Variants in KMT2A observed in about 807,000 individuals in gnomAD.
KMT2A encodes the protein lysine methyltransferase 2A.
Under a neutral mutation model 345.3 loss-of-function variants are expected in KMT2A, and 16 were observed. The ratio of observed to expected loss-of-function variants is 0.05; its 90% CI spans 0.03 to 0.07. KMT2A has a LOEUF of 0.07. Among genes scored for constraint, KMT2A ranks in the 10% least tolerant of loss-of-function variants. The pLI is 1.00. For synonymous variants in KMT2A, 1,599 were observed against 1,778.6 expected, an observed-to-expected ratio of 0.90 and a Z score of 2.54; for missense variants, 3,272 against 4,841.6, an observed-to-expected ratio of 0.68 and a Z score of 9.62.
chr11:118,488,588 TC>T, intron 10 of KMT2A, 25 bp from the exon 11 acceptor site: 1 of 1,611,788 alleles, frequency 6.2e-7, no homozygotes. Flanking sequence ...TTGACATACT[TC>T]TATCTTCCCA....
At chr11:118,511,528 T>C (rs1950687832) in intron 30 of KMT2A, among the ~76,000 whole-genome samples, 1 of 152,224 alleles carries the variant, frequency 6.6e-6, no homozygotes, top group Non-Finnish European at 1.5e-5. Context: ...GTTCTGCCTC[T>C]TAACTTTAAG....
At chr11:118,457,021 T>C (rs1949656883) in intron 1 of KMT2A, among the ~76,000 whole-genome samples, 1 of 152,142 alleles carries the variant, frequency 6.6e-6, no homozygotes, top group Non-Finnish European at 1.5e-5. Flanking sequence ...GTCTATAGGA[T>C]CTGTCCTTTT....
At position 118,496,683 on chromosome 11, in the gene KMT2A, A is replaced by G. The variant is rs907191703; in HGVS notation, c.5664+316A>G. Among the ~76,000 whole-genome samples, 12 of 152,342 alleles carry G rather than the reference A, an allele frequency of 7.9e-5. No homozygotes were observed. The South Asian group carries it at 1.7e-3, about 21-fold the overall frequency. ...TCAAGAATATTTTGTGAAAGTTAAT[A>G]AAATCTAAGTTGCATATTAAAAAGC... On this transcript the variant is annotated intron_variant, in intron 20 of 35. Transcript: ENST00000534358. The surrounding 1 kb of genome is among the most constrained non-coding windows in gnomAD (Gnocchi z 4.7).
At chr11:118,499,218 T>A (rs556778557) in intron 22 of KMT2A, 85 bp from the exon 23 acceptor site, 6 of 842,948 alleles carry the variant, frequency 7.1e-6, no homozygotes, top group Non-Finnish European at 1.2e-5. Context: ...ATATGCTATG[T>A]GCCTTCCACT....
intron 2 of KMT2A, 128 bp downstream of exon 2, chr11:118,468,972 ACTT>A (rs1949897060): frequency 3.6e-6 from 2 of 553,002 alleles, no homozygotes; most frequent in Admixed American, 3.4e-5. Context: ...GATGAGCTAG[ACTT>A]CTTTTTATTT....
In KMT2A at chr11:118,484,615, CTG is replaced by C. The variant is rs1336346801; in HGVS notation, c.4219-245_4219-244del. ...ATGATGATTCCTTGAGTCAGCAAAACTGTAAGAGAAATTCAATCCCAGTGTAT... is the reference window on the plus strand; with the variant it reads ...ATGATGATTCCTTGAGTCAGCAAAACTAAGAGAAATTCAATCCCAGTGTAT... On this transcript the variant is annotated intron_variant, in intron 9 of 35. Transcript: ENST00000534358. The surrounding 1 kb of genome is among the most constrained non-coding windows in gnomAD (Gnocchi z 4.1). Among the ~76,000 whole-genome samples the C allele has an allele frequency of 6.6e-6, 1 of 152,202 alleles. No individual in the cohort carries two copies. The highest frequency in any genetic ancestry group is 1.5e-5 in the Non-Finnish European group (1 of 68,036).
intron 1 of KMT2A, among the ~76,000 whole-genome samples, chr11:118,439,968 G>T (rs2134165917): frequency 6.6e-6 from 1 of 150,710 alleles, no homozygotes; most frequent in Non-Finnish European, 1.5e-5. Context: ...CAATGATAAA[G>T]TTCCAAAAGG....
chr11:118,440,302 A>G (rs1949286499), intron 1 of KMT2A, among the ~76,000 whole-genome samples: 1 of 152,130 alleles, frequency 6.6e-6, no homozygotes, highest in South Asian at 2.1e-4. Flanking sequence ...TAGGAAGTAG[A>G]ATTGAGGTTT....
rs782578668 is a variant in KMT2A at position 118,473,171 on chromosome 11, G to A, written c.2012G>A (p.Gly671Asp). 32 of 1,614,034 alleles carry A rather than the reference G, an allele frequency of 2.0e-5. No homozygotes were observed. In the South Asian group the frequency reaches 2.6e-4, roughly 13 times the overall value. The change falls in exon 3 of 36, where the codon GGT becomes GAT. Residue 671 changes from glycine (G) to aspartate (D), a missense_variant. Physicochemically the swap from Gly to Asp is moderately conservative, Grantham distance 94. This residue lies in a region of KMT2A where 114 missense variants were observed against 203.2 expected (regional missense o/e 0.56). Transcript: ENST00000534358. The surrounding 1 kb of genome is among the most constrained non-coding windows in gnomAD (Gnocchi z 5.2). Reference sequence around the variant, plus strand: ...TTTGCATCTGGTTTTTCTGCATCTGGTACCGCTGCTTCAGCCCGATTGTTT... The same window carrying A: ...TTTGCATCTGGTTTTTCTGCATCTGATACCGCTGCTTCAGCCCGATTGTTT... ...VGFASGFSAS[G>D]TAASARLFSP...
chr11:118,499,649 A>G (rs1404215071), intron 23 of KMT2A, among the ~76,000 whole-genome samples, 186 bp from the exon 24 acceptor site: 1 of 150,456 alleles, frequency 6.6e-6, no homozygotes, highest in Non-Finnish European at 1.5e-5. Flanking sequence ...GAGTGGTGGT[A>G]CATCCCTATA....
chr11:118,517,265 G>A (rs1046843485), intron 31 of KMT2A, among the ~76,000 whole-genome samples: 16 of 151,568 alleles, frequency 1.1e-4, no homozygotes, highest in Admixed American at 3.3e-4. Flanking sequence ...GCGTGGTGGC[G>A]GGCGCCTGTA....
chr11:118,436,864 G>A lies in KMT2A; in HGVS notation c.352G>A (p.Val118Ile). The change falls in exon 1 of 36, where the codon GTC (valine) becomes ATC (isoleucine). Residue 118 changes from valine (V) to isoleucine (I), a missense_variant. Around this residue, in one of 27 missense-constraint regions of KMT2A, gnomAD observed 412 missense variants for 511.0 expected, o/e 0.81. Transcript: ENST00000534358. The surrounding 1 kb of genome is among the most constrained non-coding windows in gnomAD (Gnocchi z 6.9). ...CCCGGGCTTCGACGCGGCGCTGCAG[G>A]TCTCGGCCGCCATCGGCACCAACCT... ...VGPGFDAALQ[V>I]SAAIGTNLRR... The A allele has an allele frequency of 1.3e-6, 2 of 1,597,712 alleles. No homozygotes were observed. The highest frequency in any genetic ancestry group is 4.5e-5 in the East Asian group (2 of 44,074).
At position 118,525,985 on chromosome 11, in the gene KMT2A, T is replaced by C. The variant is rs1951074494; in HGVS notation, c.*3813T>C. On this transcript the variant is annotated 3_prime_UTR_variant, in exon 36 of 36. Transcript: ENST00000534358. Reference sequence around the variant, plus strand: ...TTTGGTTTTCAAATAAATATAAATATGATATATATAGGAACTAATATAGTA... The same window carrying C: ...TTTGGTTTTCAAATAAATATAAATACGATATATATAGGAACTAATATAGTA... 4.5e-6 allele frequency: 1 copy of C among 219,978 alleles called. No homozygotes were observed. Among genetic ancestry groups the C allele is most frequent in the Non-Finnish European group, 9.1e-6 (1 of 109,798 alleles). 13.6% of individuals were successfully genotyped at this position (219,978 alleles called of 1,614,324 possible). A position where few individuals can be genotyped will look rare whatever the true frequency, so the allele number is the denominator to read the frequency against.
Position 118,491,231 on chromosome 11 carries a change from G to A in KMT2A, c.4732G>A (p.Asp1578Asn). The A allele has an allele frequency of 1.9e-6, 3 of 1,613,812 alleles. No individual in the cohort carries two copies. Among genetic ancestry groups the A allele is most frequent in the Non-Finnish European group, 2.5e-6 (3 of 1,179,864 alleles). The change falls in exon 14 of 36, where the codon GAT becomes AAT. Residue 1578 changes from aspartate (D) to asparagine (N), a missense_variant. Transcript: ENST00000534358. The surrounding 1 kb of genome is among the most constrained non-coding windows in gnomAD (Gnocchi z 4.2). ...FCPLCDKCYD[D>N]DDYESKMMQC... ...CCCTCTCTGTGACAAATGTTATGAT[G>A]ATGATGACTATGAGAGTAAGATGAT...
intron 1 of KMT2A, among the ~76,000 whole-genome samples, chr11:118,464,267 G>T (rs1949800142): frequency 6.6e-6 from 1 of 152,218 alleles, no homozygotes; most frequent in Non-Finnish European, 1.5e-5. Flanking sequence ...TGGGCGTGGT[G>T]GCTCACGCCT....
At position 118,436,994 on chromosome 11, in the gene KMT2A, C is replaced by T. The variant is rs3115542; in HGVS notation, c.432+50C>T. On this transcript the variant is annotated intron_variant, in intron 1 of 35. Coordinates refer to ENST00000534358, the MANE Select transcript of KMT2A (RefSeq NM_001197104.2). This position sits in a 1 kb window ranked among gnomAD's most constrained non-coding sequence, Gnocchi z 6.9. The stretch of plus-strand genomic sequence containing the variant: ...TCCGGGGTCTCGACCCTCTGCGGAG[C>T]CCCCTCCCCTCCCCCATCCGGGATT... The T allele has an allele frequency of 1.5e-6, 2 of 1,372,142 alleles. No individual in the cohort carries two copies. Among genetic ancestry groups the T allele is most frequent in the South Asian group, 1.6e-5 (1 of 60,692 alleles). The allele number at this position is 1,372,142 out of a possible 1,614,324, so 85.0% of individuals were successfully genotyped here.
chr11:118,456,382 G>A (rs948138838), intron 1 of KMT2A, among the ~76,000 whole-genome samples: 6 of 151,108 alleles, frequency 4.0e-5, no homozygotes, highest in South Asian at 2.1e-4. Flanking sequence ...ATTGTCACCC[G>A]GGCTGGAGTG....
At position 118,494,494 on chromosome 11, in the gene KMT2A, G is replaced by A; in HGVS notation, c.5289+96G>A. The stretch of plus-strand genomic sequence containing the variant: ...TGTTCTCTTCTACTTTTTGCTTTGT[G>A]GTGTGTATAAAACATCTTTGGTTTA... On this transcript the variant is annotated intron_variant, in intron 17 of 35. Coordinates refer to ENST00000534358, the MANE Select transcript of KMT2A (RefSeq NM_001197104.2). This position sits in a 1 kb window ranked among gnomAD's most constrained non-coding sequence, Gnocchi z 5.8. The A allele has an allele frequency of 1.2e-6, 1 of 864,600 alleles. No homozygotes were observed. The highest frequency in any genetic ancestry group is 1.9e-6 in the Non-Finnish European group (1 of 536,058). 53.6% of individuals were successfully genotyped at this position (864,600 alleles called of 1,614,324 possible). A position where few individuals can be genotyped will look rare whatever the true frequency, so the allele number is the denominator to read the frequency against.
intron 5 of KMT2A, among the ~76,000 whole-genome samples, chr11:118,478,479 C>T (rs1487154587): frequency 2.0e-5 from 3 of 152,132 alleles, no homozygotes; most frequent in Non-Finnish European, 4.4e-5. Context: ...AGCCATTAGC[C>T]ACATGTGGCT....
Sources: gnomAD v4.1 joint callset for allele counts (sites outside exome capture counted in the v4.1 genomes callset) on GRCh38, gnomAD v4.1.1 for gene constraint, gnomAD v4.1.1 regional missense constraint, Gnocchi (gnomAD v3.1) non-coding constraint, MANE v1.5 for transcripts, NCBI Gene and HGNC (gene_info 2026-07-23, HGNC 2026-07-21) for gene names.